LIG1: variants seen among roughly 807,000 people sequenced by gnomAD.
The protein encoded by LIG1 is DNA ligase 1, also known as ligase I, DNA, ATP-dependent.
LIG1 carries 70 observed loss-of-function variants against 115.7 expected under a neutral mutation model. The observed-to-expected ratio is 0.60, with a 90% confidence interval of 0.50 to 0.74. The LOEUF (loss-of-function observed/expected upper bound fraction) is 0.74. Ranked by LOEUF, LIG1 falls within the 30% of genes least tolerant of loss-of-function variation. LIG1 has a pLI of 0.00. For missense variants in LIG1, 1,115 were observed against 1,225.6 expected, an observed-to-expected ratio of 0.91 and a Z score of 1.35; for synonymous variants, 487 against 495.3, an observed-to-expected ratio of 0.98 and a Z score of 0.22.
rs1338429665 is a variant in LIG1 at position 48,137,546 on chromosome 19, G to A, written c.1230C>T (p.Asp410=). The part of the protein sequence containing the change: ...TASGVFSKFR[D]IARLTGSAST... ...CAGCACTGCCAGTGAGCCTGGCGAT[G>A]TCGCGGAACTTGCTGAAGACCCCGG... The change falls in exon 13 of 28, where the codon GAC becomes GAT. Residue 410 remains aspartate, a synonymous_variant. Coordinates refer to ENST00000263274, the MANE Select transcript of LIG1 (RefSeq NM_000234.3). The surrounding 1 kb of genome is among the most constrained non-coding windows in gnomAD (Gnocchi z 4.3). 2.5e-6 allele frequency: 4 copies of A among 1,613,284 alleles called. No individual in the cohort carries two copies. Among genetic ancestry groups the A allele is most frequent in the South Asian group, 1.1e-5 (1 of 91,084 alleles).
At chr19:48,121,662 G>A (rs893236890) in intron 23 of LIG1, among the ~76,000 whole-genome samples, 39 of 152,258 alleles carry the variant, frequency 2.6e-4, no homozygotes, top group African/African-American at 8.9e-4. Context: ...TTAGCCGGGC[G>A]TGGTGGCGTG....
At chr19:48,119,233 G>C (rs771327966) in intron 24 of LIG1, 43 bp from the exon 25 acceptor site, 1 of 1,507,618 alleles carries the variant, frequency 6.6e-7, no homozygotes, top group Non-Finnish European at 9.1e-7. Flanking sequence ...GCCAGCCACA[G>C]GCCCAGCACT....
chr19:48,137,443 CAGA>C lies in LIG1; in HGVS notation c.1254+76_1254+78del. The C allele has an allele frequency of 6.4e-7, 1 of 1,565,490 alleles. No homozygotes were observed. Among genetic ancestry groups the C allele is most frequent in the Non-Finnish European group, 8.7e-7 (1 of 1,155,980 alleles). On this transcript the variant is annotated intron_variant, in intron 13 of 27. Transcript: ENST00000263274. The surrounding 1 kb of genome is among the most constrained non-coding windows in gnomAD (Gnocchi z 4.3). ...GATGCGACCCAGCTGATGGTCTACC[CAGA>C]AGCCTTCCTGACACACGCGTGGCCT...
At chr19:48,155,215 C>T (rs1022912311) in intron 5 of LIG1, among the ~76,000 whole-genome samples, 3 of 152,138 alleles carry the variant, frequency 2.0e-5, no homozygotes, top group African/African-American at 7.2e-5. Context: ...CCATGGCTCC[C>T]AGGACCCACA....
chr19:48,143,454 T>A (rs2034906164), intron 11 of LIG1, 89 bp downstream of exon 11: 16 of 1,195,382 alleles, frequency 1.3e-5, no homozygotes, highest in South Asian at 6.0e-5. Flanking sequence ...GTTGACAGGG[T>A]TTGGCGGAAC....
chr19:48,155,293 T>C (rs1266331826), intron 5 of LIG1, among the ~76,000 whole-genome samples: 3 of 152,124 alleles, frequency 2.0e-5, no homozygotes, highest in African/African-American at 7.2e-5. Context: ...CTCTCCTCTC[T>C]AGCTCACCTC....
At chr19:48,157,183 G>A (rs755451247) in intron 4 of LIG1, 43 bp from the exon 5 acceptor site, 3 of 1,577,558 alleles carry the variant, frequency 1.9e-6, no homozygotes, top group Admixed American at 3.6e-5. Flanking sequence ...GGGGGAAGGA[G>A]GGACTCCATT....
Position 48,142,456 on chromosome 19 carries a change from A to C in LIG1, c.914+1087T>G, listed in dbSNP as rs1010378821. Among the ~76,000 whole-genome samples the C allele has an allele frequency of 3.3e-5, 5 of 150,860 alleles. 1 individual carries two copies. The highest frequency in any genetic ancestry group is 1.2e-4 in the African/African-American group (5 of 41,044). On this transcript the variant is annotated intron_variant, in intron 11 of 27. Transcript: ENST00000263274. Reference sequence around the variant, plus strand: ...AGACTCCATCTCAAAAAAAAAAAAAAACAGAGTGCTGGGAACAGCCTGAAA... The same window carrying C: ...AGACTCCATCTCAAAAAAAAAAAAACACAGAGTGCTGGGAACAGCCTGAAA...
At position 48,121,572 on chromosome 19, in the gene LIG1, C is replaced by T. The variant is rs186895285; in HGVS notation, c.2233-250G>A. Among the ~76,000 whole-genome samples the T allele has an allele frequency of 1.1e-4, 17 of 152,238 alleles. 1 individual carries two copies. In the East Asian group the frequency reaches 2.7e-3, roughly 24 times the overall value. On this transcript the variant is annotated intron_variant, in intron 23 of 27. Coordinates refer to ENST00000263274, the MANE Select transcript of LIG1 (RefSeq NM_000234.3). Reference sequence around the variant, plus strand: ...ATCCCAGCATTTTGGGAGGCCGAGGCGGGTGGATCACCTGAGGTCGGGAGT... The same window carrying T: ...ATCCCAGCATTTTGGGAGGCCGAGGTGGGTGGATCACCTGAGGTCGGGAGT...
At chr19:48,153,683 CACACACA>C (rs1396289928) in intron 6 of LIG1, among the ~76,000 whole-genome samples, 182 bp downstream of exon 6, 25 of 141,838 alleles carry the variant, frequency 1.8e-4, no homozygotes, top group Non-Finnish European at 2.5e-4. Context: ...CACACACACA[CACACACA>C]CCTCTCCTTC....
chr19:48,140,629 G>C (rs1335762176), intron 11 of LIG1, among the ~76,000 whole-genome samples: 2 of 152,130 alleles, frequency 1.3e-5, no homozygotes, highest in East Asian at 3.8e-4. Flanking sequence ...TGCTCCTGGG[G>C]ATAACATCAC....
At chr19:48,154,611 T>C (rs1470668365) in intron 5 of LIG1, 1 of 157,798 alleles carries the variant, frequency 6.3e-6, no homozygotes, top group Non-Finnish European at 1.4e-5. Flanking sequence ...TGCACTTGAA[T>C]CCCTGTTTCA....
At chr19:48,165,776 A>C in intron 1 of LIG1, 153 bp from the exon 2 acceptor site, 2 of 671,538 alleles carry the variant, frequency 3.0e-6, no homozygotes, top group Non-Finnish European at 2.6e-6. Context: ...AACCAAAATA[A>C]TTTGCTGGTG....
intron 21 of LIG1, among the ~76,000 whole-genome samples, chr19:48,126,455 A>G (rs1289194998): frequency 1.3e-5 from 2 of 151,960 alleles, no homozygotes; most frequent in Non-Finnish European, 2.9e-5. Flanking sequence ...AAAATACAAA[A>G]ATTAGCTGGA....
chr19:48,151,230 A>T lies in LIG1; in HGVS notation c.574+2T>A, dbSNP rs1387557355. 5.6e-6 allele frequency: 9 copies of T among 1,604,542 alleles called. No homozygotes were observed. Among genetic ancestry groups the T allele is most frequent in the Non-Finnish European group, 7.7e-6 (9 of 1,171,438 alleles). On this transcript the variant is annotated splice_donor_variant, in intron 7 of 27. Transcript: ENST00000263274. LOFTEE classifies it high-confidence loss of function. ...GGGCGGAGGAGAGGACCAGAAACTC[A>T]CTGGAGGTCTTTAGGGGCTTGGGAG... is the stretch of plus-strand genomic sequence containing the variant.
At position 48,127,306 on chromosome 19, in the gene LIG1, C is replaced by T. The variant is rs767878829; in HGVS notation, c.1975G>A (p.Ala659Thr). ...SEIQVQVCLY[A>T]FDLIYLNGES... ...CCATTGAGGTAGATGAGGTCGAAGG[C>T]GTACAAACACACCTGCACCTGGATC... The change falls in exon 21 of 28, where the codon GCC becomes ACC. Residue 659 changes from alanine to threonine, a missense_variant. Ala to Thr is a moderately conservative substitution (Grantham distance 58). Transcript: ENST00000263274. The T allele has an allele frequency of 2.1e-5, 34 of 1,613,708 alleles. No individual in the cohort carries two copies. The highest frequency in any genetic ancestry group is 2.8e-5 in the Non-Finnish European group (33 of 1,179,994).
chr19:48,135,654 A>G (rs770113669), intron 16 of LIG1, 26 bp downstream of exon 16: 4 of 1,578,944 alleles, frequency 2.5e-6, no homozygotes. Flanking sequence ...AGCCCCTGGC[A>G]ACTCCACCCA....
intron 2 of LIG1, among the ~76,000 whole-genome samples, chr19:48,163,520 A>G (rs961240447): frequency 6.6e-6 from 1 of 151,876 alleles, no homozygotes; most frequent in East Asian, 1.9e-4. Context: ...CGGCCTACCT[A>G]AGCACTTATT....
intron 4 of LIG1, among the ~76,000 whole-genome samples, chr19:48,160,925 T>TG (rs1326383161): frequency 3.3e-5 from 5 of 151,938 alleles, no homozygotes; most frequent in Admixed American, 6.6e-5. Flanking sequence ...TTTGTAGAGA[T>TG]GGGGTCTCGC....
Sources: allele counts gnomAD v4.1 joint callset (sites outside exome capture counted in the v4.1 genomes callset), GRCh38; gene constraint gnomAD v4.1.1; non-coding constraint Gnocchi (gnomAD v3.1); transcripts MANE v1.5; gene names NCBI Gene and HGNC (gene_info 2026-07-23, HGNC 2026-07-21).